Variants in RNF220 observed in about 807,000 individuals in gnomAD.
The protein encoded by RNF220 is E3 ubiquitin-protein ligase RNF220.
A neutral mutation model predicts 67.1 loss-of-function variants in RNF220; 7 were observed. That is an observed-to-expected ratio of 0.10 (90% confidence interval 0.06 to 0.20). The LOEUF (loss-of-function observed/expected upper bound fraction) is 0.20. Among genes scored for constraint, RNF220 ranks in the 10% least tolerant of loss-of-function variants. RNF220 has a pLI of 1.00. For synonymous variants in RNF220, 270 were observed against 283.2 expected, an observed-to-expected ratio of 0.95 and a Z score of 0.47; for missense variants, 565 against 740.3, an observed-to-expected ratio of 0.76 and a Z score of 2.75.
intron 2 of RNF220, among the ~76,000 whole-genome samples, chr1:44,596,519 A>C (rs1458974671): frequency 1.3e-5 from 2 of 152,082 alleles, no homozygotes; most frequent in Admixed American, 6.6e-5. Flanking sequence ...CCCTCGTGCC[A>C]TTGCACTCCA....
At chr1:44,480,887 AAAAATAAAGT>A (rs908466186) in intron 2 of RNF220, among the ~76,000 whole-genome samples, 5 of 152,190 alleles carry the variant, frequency 3.3e-5, no homozygotes, top group African/African-American at 1.2e-4. Flanking sequence ...CTCCGTCTCA[AAAAATAAAGT>A]AAAATAAAAT....
chr1:44,492,313 C>T (rs1378426300), intron 2 of RNF220, among the ~76,000 whole-genome samples: 2 of 151,968 alleles, frequency 1.3e-5, no homozygotes, highest in African/African-American at 4.8e-5. Flanking sequence ...CATATGCTCC[C>T]GGGGGGGTGT....
At chr1:44,541,084 A>G (rs192219906) in intron 2 of RNF220, among the ~76,000 whole-genome samples, 11 of 152,280 alleles carry the variant, frequency 7.2e-5, no homozygotes, top group African/African-American at 2.6e-4. Flanking sequence ...TGCTTATTTC[A>G]TGGAAGACGA....
Position 44,636,599 on chromosome 1 carries a change from C to T in RNF220, c.1126+437C>T, listed in dbSNP as rs77134257. 88 of 613,094 alleles carry T rather than the reference C, an allele frequency of 1.4e-4. No homozygotes were observed. In the African/African-American group the frequency reaches 1.5e-3, roughly 11 times the overall value. 38.0% of individuals were successfully genotyped at this position (613,094 alleles called of 1,614,324 possible). A position where few individuals can be genotyped will look rare whatever the true frequency, so the allele number is the denominator to read the frequency against. On this transcript the variant is annotated intron_variant, in intron 8 of 14. Transcript: ENST00000361799. ...CCAGGCAAACACATTGGATTTTCCT[C>T]CTCCTCCTCTTCAGCCCTATGTCAG... is the stretch of plus-strand genomic sequence containing the variant.
intron 2 of RNF220, among the ~76,000 whole-genome samples, chr1:44,515,230 C>T (rs567369813): frequency 6.6e-6 from 1 of 152,224 alleles, no homozygotes; most frequent in South Asian, 2.1e-4. Flanking sequence ...ATCCAGAACA[C>T]GGGGTGGATG....
Position 44,650,584 on chromosome 1 carries a change from C to A in RNF220, c.1630-120C>A. Reference sequence around the variant, plus strand: ...GCTGCCTATGCGTCCCCAGCCTGGGCTGACAGGACCAAGGTCTCAGCACAC... The same window carrying A: ...GCTGCCTATGCGTCCCCAGCCTGGGATGACAGGACCAAGGTCTCAGCACAC... On this transcript the variant is annotated intron_variant, in intron 14 of 14. Coordinates refer to ENST00000361799, the MANE Select transcript of RNF220 (RefSeq NM_018150.4). The surrounding 1 kb of genome is among the most constrained non-coding windows in gnomAD (Gnocchi z 4.3). The A allele has an allele frequency of 9.3e-7, 1 of 1,080,580 alleles. No homozygotes were observed. The highest frequency in any genetic ancestry group is 1.4e-6 in the Non-Finnish European group (1 of 723,856). The allele number at this position is 1,080,580 out of a possible 1,614,324, so 66.9% of individuals were successfully genotyped here.
intron 2 of RNF220, among the ~76,000 whole-genome samples, chr1:44,469,120 CA>C (rs1212469402): frequency 2.0e-5 from 3 of 152,044 alleles, no homozygotes; most frequent in Admixed American, 6.6e-5. Context: ...GGCCAATAAT[CA>C]TATGAAAAAG....
At chr1:44,534,526 C>G in intron 2 of RNF220, among the ~76,000 whole-genome samples, 1 of 152,066 alleles carries the variant, frequency 6.6e-6, no homozygotes. Flanking sequence ...ATCTAAATAC[C>G]AAATATCACT....
chr1:44,408,486 C>A (rs1393103071), intron 1 of RNF220, among the ~76,000 whole-genome samples: 1 of 152,204 alleles, frequency 6.6e-6, no homozygotes, highest in Non-Finnish European at 1.5e-5. Flanking sequence ...GAATTCTCTT[C>A]AAGCGAAGAA....
chr1:44,587,369 A>G (rs1373051197), intron 2 of RNF220, among the ~76,000 whole-genome samples: 1 of 147,244 alleles, frequency 6.8e-6, no homozygotes, highest in East Asian at 2.0e-4. Context: ...CTGGTCTCAA[A>G]CTCCTGACCT....
At chr1:44,471,621 C>T (rs963502520) in intron 2 of RNF220, among the ~76,000 whole-genome samples, 2 of 152,000 alleles carry the variant, frequency 1.3e-5, no homozygotes, top group Non-Finnish European at 1.5e-5. Context: ...GTCAGGAATT[C>T]GAGACCAGCC....
At position 44,405,412 on chromosome 1, in the gene RNF220, C is replaced by G; in HGVS notation, c.-236C>G. ...CTGCTGCTGCCGCTGCCGCCGCCGC[C>G]GCCGCCGCTGCCTCCGCCGGCTCTG... On this transcript the variant is annotated 5_prime_UTR_variant, in exon 1 of 15. Coordinates refer to ENST00000361799, the MANE Select transcript of RNF220 (RefSeq NM_018150.4). 1 of 635,598 alleles carries G rather than the reference C, an allele frequency of 1.6e-6. No homozygotes were observed. The highest frequency in any genetic ancestry group is 1.6e-5 in the South Asian group (1 of 60,610). The allele number at this position is 635,598 out of a possible 1,614,324, so 39.4% of individuals were successfully genotyped here. A position where few individuals can be genotyped will look rare whatever the true frequency, so the allele number is the denominator to read the frequency against.
At chr1:44,626,437 AC>A in intron 5 of RNF220, 39 bp downstream of exon 5, 1 of 1,517,694 alleles carries the variant, frequency 6.6e-7, no homozygotes, top group Admixed American at 1.7e-5. Context: ...AAGCAAGCTC[AC>A]CTGGGGGAGG....
At chr1:44,535,435 G>A (rs373141993) in intron 2 of RNF220, among the ~76,000 whole-genome samples, 25 of 151,922 alleles carry the variant, frequency 1.6e-4, no homozygotes, top group African/African-American at 6.0e-4. Flanking sequence ...CACCGTGCCC[G>A]GCCAGGAGGC....
intron 2 of RNF220, among the ~76,000 whole-genome samples, chr1:44,532,479 C>T (rs773313469): frequency 2.6e-5 from 4 of 152,176 alleles, no homozygotes; most frequent in South Asian, 2.1e-4. Flanking sequence ...TCTTTTATCA[C>T]GTGGTTTATT....
chr1:44,598,042 C>G (rs1666654104), intron 2 of RNF220, among the ~76,000 whole-genome samples: 1 of 151,914 alleles, frequency 6.6e-6, no homozygotes, highest in African/African-American at 2.4e-5. Flanking sequence ...CCAGCCCCCT[C>G]ATGCCCCCTG....
At chr1:44,424,031 G>T in intron 2 of RNF220, 1 of 985,204 alleles carries the variant, frequency 1.0e-6, no homozygotes, top group Non-Finnish European at 1.2e-6. Flanking sequence ...CTACATCCAC[G>T]AACATTTCCT....
At position 44,650,598 on chromosome 1, in the gene RNF220, G is replaced by T. The variant is rs146814519; in HGVS notation, c.1630-106G>T. Reference sequence around the variant, plus strand: ...CCCAGCCTGGGCTGACAGGACCAAGGTCTCAGCACACACTGGTGCAGAGAG... The same window carrying T: ...CCCAGCCTGGGCTGACAGGACCAAGTTCTCAGCACACACTGGTGCAGAGAG... On this transcript the variant is annotated intron_variant, in intron 14 of 14. Transcript: ENST00000361799. This position sits in a 1 kb window ranked among gnomAD's most constrained non-coding sequence, Gnocchi z 4.3. 1 of 1,234,966 alleles carries T rather than the reference G, an allele frequency of 8.1e-7. No homozygotes were observed. The allele number at this position is 1,234,966 out of a possible 1,614,324, so 76.5% of individuals were successfully genotyped here. A position where few individuals can be genotyped will look rare whatever the true frequency, so the allele number is the denominator to read the frequency against.
intron 2 of RNF220, among the ~76,000 whole-genome samples, chr1:44,415,905 A>G (rs1648483319): frequency 6.6e-6 from 1 of 152,256 alleles, no homozygotes; most frequent in South Asian, 2.1e-4. Flanking sequence ...GCCTGCAGAC[A>G]TGGTGTAATG....
Sources: allele counts gnomAD v4.1 joint callset (sites outside exome capture counted in the v4.1 genomes callset), GRCh38; gene constraint gnomAD v4.1.1; non-coding constraint Gnocchi (gnomAD v3.1); transcripts MANE v1.5; gene names NCBI Gene and HGNC (gene_info 2026-07-23, HGNC 2026-07-21).